The following MCF2L2 variants were observed in gnomAD, a reference collection of about 807,000 sequenced individuals.
MCF2L2 encodes the protein probable guanine nucleotide exchange factor MCF2L2.
Under a neutral mutation model 150.2 loss-of-function variants are expected in MCF2L2, and 102 were observed. The observed-to-expected ratio is 0.68, with a 90% CI of 0.58 to 0.80. The LOEUF is 0.80. Ranked by LOEUF, MCF2L2 falls within the 30% of genes least tolerant of loss-of-function variation. MCF2L2 has a pLI of 0.00. For synonymous variants in MCF2L2, 465 were observed against 491.3 expected (o/e 0.95, Z 0.71); for missense variants, 1,256 against 1,372.8 (o/e 0.91, Z 1.34).
chr3:183,348,271 A>G (rs1730978062), intron 3 of MCF2L2, among the ~76,000 whole-genome samples: 1 of 152,176 alleles, frequency 6.6e-6, no homozygotes, highest in Admixed American at 6.5e-5. Context: ...ATGAAGCTGG[A>G]AACCATCATT....
intron 21 of MCF2L2, among the ~76,000 whole-genome samples, chr3:183,216,580 ATTTTTTTTTTTTTTTTTTTTTTTT>A (rs1160267005): frequency 8.3e-3 from 32 of 3,856 alleles, no homozygotes; most frequent in Non-Finnish European, 0.025. Flanking sequence ...ATATATATAT[ATTTTTTTTTTTTTTTTTTTTTTTT>A]TTTTTTTTTT....
At chr3:183,209,037 GC>G (rs60676946) in intron 22 of MCF2L2, among the ~76,000 whole-genome samples, 73,886 of 151,934 alleles carry the variant, frequency 0.49, 19,415 homozygotes, top group East Asian at 0.62. Flanking sequence ...CAGCCACGAG[GC>G]CTTCTTTCCT....
intron 2 of MCF2L2, 131 bp from the exon 3 acceptor site, chr3:183,379,542 A>G (rs528287292): frequency 1.5e-6 from 1 of 648,784 alleles, no homozygotes; most frequent in South Asian, 1.8e-5. Flanking sequence ...ATTTGGGAGA[A>G]GTTAACACAG....
intron 19 of MCF2L2, among the ~76,000 whole-genome samples, chr3:183,223,778 T>G (rs1422730305): frequency 6.6e-6 from 1 of 152,168 alleles, no homozygotes; most frequent in Non-Finnish European, 1.5e-5. Context: ...GCTGCCAGAG[T>G]CTATTCAGGC....
chr3:183,395,917 CAAAAAAAAAAAAA>C (rs11338932), intron 1 of MCF2L2, among the ~76,000 whole-genome samples: 1 of 58,100 alleles, frequency 1.7e-5, no homozygotes, highest in African/African-American at 7.1e-5. Context: ...GACATCGTCT[CAAAAAAAAAAAAA>C]AAAAAAAAGA....
chr3:183,264,410 T>C (rs1340597299), intron 15 of MCF2L2, among the ~76,000 whole-genome samples: 1 of 152,248 alleles, frequency 6.6e-6, no homozygotes, highest in Non-Finnish European at 1.5e-5. Context: ...TACCAGGATT[T>C]GCCCATTGTT....
At chr3:183,201,507 C>T (rs1414265639) in intron 25 of MCF2L2, among the ~76,000 whole-genome samples, 2 of 152,200 alleles carry the variant, frequency 1.3e-5, no homozygotes, top group Admixed American at 6.5e-5. Flanking sequence ...AGTTGCTTAT[C>T]AGCTTAAGGA....
intron 1 of MCF2L2, among the ~76,000 whole-genome samples, chr3:183,409,201 T>A (rs561812630): frequency 4.6e-5 from 7 of 152,346 alleles, no homozygotes; most frequent in Middle Eastern, 3.4e-3. Flanking sequence ...GCTCATAAAA[T>A]ACTTAAGATT....
chr3:183,250,712 C>T (rs572960671), intron 15 of MCF2L2, among the ~76,000 whole-genome samples: 3 of 152,040 alleles, frequency 2.0e-5, no homozygotes, highest in South Asian at 2.1e-4. Flanking sequence ...GGGAGGTGGC[C>T]GGGGGGCAGA....
intron 5 of MCF2L2, among the ~76,000 whole-genome samples, chr3:183,328,940 T>C (rs375973154): frequency 1.3e-5 from 2 of 152,100 alleles, no homozygotes; most frequent in Non-Finnish European, 2.9e-5. Flanking sequence ...CTCAATATCA[T>C]GAATCATTAG....
intron 1 of MCF2L2, among the ~76,000 whole-genome samples, chr3:183,401,428 AT>A (rs199800758): frequency 6.6e-6 from 1 of 152,160 alleles, no homozygotes; most frequent in African/African-American, 2.4e-5. Flanking sequence ...TAAAAAAAAA[AT>A]TTTTTTAAAG....
chr3:183,350,286 G>A (rs1362044275), intron 3 of MCF2L2, among the ~76,000 whole-genome samples: 1 of 151,082 alleles, frequency 6.6e-6, no homozygotes, highest in Non-Finnish European at 1.5e-5. Context: ...ACAACACTCA[G>A]TAATGACTGC....
intron 25 of MCF2L2, 112 bp from the exon 26 acceptor site, chr3:183,195,367 T>C: frequency 2.9e-6 from 2 of 699,488 alleles, no homozygotes; most frequent in Non-Finnish European, 4.9e-6. Flanking sequence ...ACTATAAAAA[T>C]ATATAAAGGT....
chr3:183,376,085 C>T (rs925971008), intron 3 of MCF2L2: 7 of 152,234 alleles, frequency 4.6e-5, no homozygotes, highest in Admixed American at 2.0e-4. Flanking sequence ...GAAAGACAAA[C>T]AGCATTCTAG....
At chr3:183,405,449 T>C (rs1714994521) in intron 1 of MCF2L2, among the ~76,000 whole-genome samples, 1 of 149,406 alleles carries the variant, frequency 6.7e-6, no homozygotes, top group Non-Finnish European at 1.5e-5. Flanking sequence ...CAGGATACAA[T>C]ATAGTTGATT....
intron 2 of MCF2L2, among the ~76,000 whole-genome samples, chr3:183,383,514 C>T (rs2108591874): frequency 6.6e-6 from 1 of 152,240 alleles, no homozygotes; most frequent in South Asian, 2.1e-4. Flanking sequence ...GGATTGATTA[C>T]AGGCGTAAGC....
At chr3:183,415,010 A>G (rs1469488278) in intron 1 of MCF2L2, among the ~76,000 whole-genome samples, 1 of 152,148 alleles carries the variant, frequency 6.6e-6, no homozygotes, top group African/African-American at 2.4e-5. Flanking sequence ...GGAACACTTG[A>G]GAATATTCCA....
intron 1 of MCF2L2, among the ~76,000 whole-genome samples, chr3:183,392,563 T>C (rs534283985): frequency 5.9e-5 from 9 of 152,382 alleles, no homozygotes; most frequent in African/African-American, 1.9e-4. Flanking sequence ...CAGGTTTTGC[T>C]GAGAGTGCTT....
intron 11 of MCF2L2, 51 bp from the exon 12 acceptor site, chr3:183,297,218 G>T: frequency 1.3e-6 from 2 of 1,501,506 alleles, no homozygotes; most frequent in Non-Finnish European, 1.8e-6. Flanking sequence ...ACAACTCAGA[G>T]CCACCGTAAT....
Sources: gnomAD v4.1 joint callset for allele counts (sites outside exome capture counted in the v4.1 genomes callset) on GRCh38, gnomAD v4.1.1 for gene constraint, MANE v1.5 for transcripts, NCBI Gene and HGNC (gene_info 2026-07-23, HGNC 2026-07-21) for gene names.